Variants in LGSN observed in about 807,000 individuals in gnomAD.
LGSN encodes lengsin, lens protein with glutamine synthetase domain, also known as lengsin.
Under a neutral mutation model 19.5 loss-of-function variants are expected in LGSN, and 21 were observed. That is an observed-to-expected ratio of 1.07 (90% CI 0.76 to 1.55). LGSN has a LOEUF of 1.55. Among genes scored for constraint, LGSN ranks in the 40% most tolerant of loss-of-function variants. The pLI, the probability that LGSN is intolerant of heterozygous loss-of-function variation, is 0.00. For synonymous variants in LGSN, 257 were observed against 215.6 expected, an observed-to-expected ratio of 1.19 and a Z score of -1.68; for missense variants, 673 against 608.5, an observed-to-expected ratio of 1.11 and a Z score of -1.12.
At chr6:63,573,584 C>T in the LGSN span, 2 of 152,256 alleles carry the variant, frequency 1.3e-5, no homozygotes, top group Non-Finnish European at 2.9e-5. Flanking sequence ...GAGCTGCACC[C>T]CTGCCCGGGC....
the LGSN span, among the ~76,000 whole-genome samples, chr6:63,445,977 C>T: frequency 4.6e-5 from 7 of 151,836 alleles, no homozygotes; most frequent in African/African-American, 1.7e-4. Context: ...AGCCGGGTGT[C>T]GTGGCTCACG....
the LGSN span, among the ~76,000 whole-genome samples, chr6:63,438,230 C>T: frequency 2.6e-5 from 4 of 152,218 alleles, no homozygotes; most frequent in South Asian, 2.1e-4. Flanking sequence ...CTGACCTACA[C>T]GGTGAAACTG....
chr6:63,441,705 T>G, the LGSN span: 1 of 439,046 alleles, frequency 2.3e-6, no homozygotes, highest in Admixed American at 2.6e-5. Context: ...CGGGAGCAGA[T>G]CATACCTACC....
the LGSN span, among the ~76,000 whole-genome samples, chr6:63,497,237 G>A: frequency 6.6e-6 from 1 of 151,996 alleles, no homozygotes. Context: ...TCCCAAAGTG[G>A]TGGGATTACA....
the LGSN span, among the ~76,000 whole-genome samples, chr6:63,415,144 A>G: frequency 4.6e-5 from 7 of 151,804 alleles, no homozygotes; most frequent in South Asian, 1.2e-3. Context: ...ACATGGAGAA[A>G]CCCTGAAACC....
the LGSN span, among the ~76,000 whole-genome samples, chr6:63,439,531 T>A: frequency 7.8e-3 from 1,180 of 150,992 alleles, 2 homozygotes; most frequent in Middle Eastern, 0.01. Flanking sequence ...AAAAAAAAAA[T>A]TTTTTTAAAT....
chr6:63,507,535 C>T, the LGSN span, among the ~76,000 whole-genome samples: 1 of 151,822 alleles, frequency 6.6e-6, no homozygotes, highest in African/African-American at 2.4e-5. Flanking sequence ...GCATAGTCAC[C>T]TGGTGTTCCA....
the LGSN span, among the ~76,000 whole-genome samples, chr6:63,400,871 G>A: frequency 2.0e-5 from 3 of 152,056 alleles, no homozygotes; most frequent in African/African-American, 7.2e-5. Flanking sequence ...GTGGGCGCCT[G>A]TAATCCCAGC....
the LGSN span, among the ~76,000 whole-genome samples, chr6:63,437,151 G>C: frequency 8.2e-6 from 1 of 121,566 alleles, no homozygotes. Context: ...GAAAGAAAGA[G>C]AGAGAAGGGA....
At chr6:63,571,038 C>CTT in the LGSN span, 1 of 152,228 alleles carries the variant, frequency 6.6e-6, no homozygotes, top group African/African-American at 2.4e-5. Context: ...TGTAAAGGGA[C>CTT]ATATTTCTCA....
At chr6:63,526,800 A>AATGT in the LGSN span, among the ~76,000 whole-genome samples, 1 of 82,524 alleles carries the variant, frequency 1.2e-5, no homozygotes, top group Admixed American at 1.3e-4. Context: ...CTATCTCAAA[A>AATGT]ATGTATATAT....
chr6:63,343,719 C>T, the LGSN span, among the ~76,000 whole-genome samples: 25 of 152,244 alleles, frequency 1.6e-4, no homozygotes, highest in Middle Eastern at 3.4e-3. Context: ...TAGGTACTGC[C>T]GTGAAGGGAT....
chr6:63,514,226 T>G, the LGSN span, among the ~76,000 whole-genome samples: 24 of 152,284 alleles, frequency 1.6e-4, no homozygotes, highest in African/African-American at 5.5e-4. Context: ...CTTTGGCTTT[T>G]TTTTGTTTTG....
intron 3 of LGSN, among the ~76,000 whole-genome samples, chr6:63,284,858 A>T (rs187738688): frequency 6.6e-6 from 1 of 152,326 alleles, no homozygotes; most frequent in African/African-American, 2.4e-5. Context: ...AAAAATTAGA[A>T]TCTGATGTTA....
chr6:63,389,615 C>T, the LGSN span, among the ~76,000 whole-genome samples: 1 of 152,164 alleles, frequency 6.6e-6, no homozygotes, highest in Non-Finnish European at 1.5e-5. Flanking sequence ...TCACTTAAAT[C>T]TTATCTGTAT....
chr6:63,432,177 A>AG, the LGSN span, among the ~76,000 whole-genome samples: 6 of 95,330 alleles, frequency 6.3e-5, no homozygotes, highest in African/African-American at 2.6e-4. Context: ...AAGAAAAGGA[A>AG]AGAAAGAAAA....
At chr6:63,397,334 T>C in the LGSN span, among the ~76,000 whole-genome samples, 1 of 150,970 alleles carries the variant, frequency 6.6e-6, no homozygotes, top group Non-Finnish European at 1.5e-5. Context: ...CCAAATAAAA[T>C]GAAAAGTGGC....
intron 2 of LGSN, among the ~76,000 whole-genome samples, chr6:63,289,712 C>A (rs1308663584): frequency 6.6e-6 from 1 of 151,718 alleles, no homozygotes; most frequent in Non-Finnish European, 1.5e-5. Flanking sequence ...GGACATATAT[C>A]AGTTATATAT....
the LGSN span, among the ~76,000 whole-genome samples, chr6:63,332,729 C>T: frequency 3.3e-5 from 5 of 151,998 alleles, no homozygotes; most frequent in Non-Finnish European, 4.4e-5. Flanking sequence ...GAAAGGGGTC[C>T]GATGGTACTC....
Sources: gnomAD v4.1 joint callset for allele counts (sites outside exome capture counted in the v4.1 genomes callset) on GRCh38, gnomAD v4.1.1 for gene constraint, MANE v1.5 for transcripts, NCBI Gene and HGNC (gene_info 2026-07-23, HGNC 2026-07-21) for gene names.